Variants in CADM2 observed in about 807,000 individuals in gnomAD.
CADM2 encodes immunoglobulin superfamily member 4D.
CADM2 carries 12 observed loss-of-function variants against 49.8 expected under a neutral mutation model. That is an observed-to-expected ratio of 0.24 (90% CI 0.15 to 0.39). The LOEUF (loss-of-function observed/expected upper bound fraction) is 0.39, where lower values mean the gene tolerates loss of function less well. CADM2 is among the 10% of genes least tolerant of loss of function. The pLI is 1.00. For synonymous variants in CADM2, 214 were observed against 175.4 expected (o/e 1.22, Z -1.74); for missense variants, 378 against 492.3 (o/e 0.77, Z 2.20).
chr3:85,846,075 A>G (rs1450400569), intron 3 of CADM2, among the ~76,000 whole-genome samples: 1 of 152,206 alleles, frequency 6.6e-6, no homozygotes, highest in Non-Finnish European at 1.5e-5. Flanking sequence ...GGAGAGACTC[A>G]GAGAAGTTCT....
At chr3:85,441,995 A>G (rs2037223028) in intron 1 of CADM2, among the ~76,000 whole-genome samples, 2 of 152,080 alleles carry the variant, frequency 1.3e-5, no homozygotes, top group South Asian at 4.1e-4. Flanking sequence ...GTCTAATATC[A>G]TATTATTTAT....
In CADM2 at chr3:85,323,828, A is replaced by G. The variant is rs561966305; in HGVS notation, c.61+364160A>G. Among the ~76,000 whole-genome samples, 8 of 152,304 alleles carry G rather than the reference A, an allele frequency of 5.3e-5. No homozygotes were observed. The South Asian group carries it at 1.7e-3, about 32-fold the overall frequency. On this transcript the variant is annotated intron_variant, in intron 1 of 9. Coordinates refer to ENST00000383699, the MANE Select transcript of CADM2 (RefSeq NM_001167675.2). The stretch of plus-strand genomic sequence containing the variant: ...ATCCTCTATACTTTGGTATCTAGAA[A>G]AGTCACAGTGATCTTTCTGAAGTAC...
intron 7 of CADM2, among the ~76,000 whole-genome samples, chr3:85,943,019 T>C (rs971563363): frequency 1.8e-4 from 27 of 152,236 alleles, no homozygotes; most frequent in African/African-American, 6.0e-4. Context: ...TTTTTAATGA[T>C]TCCCATTCTA....
chr3:85,338,742 A>G (rs903854244), intron 1 of CADM2, among the ~76,000 whole-genome samples: 1 of 151,542 alleles, frequency 6.6e-6, no homozygotes, highest in Non-Finnish European at 1.5e-5. Context: ...TCACCGAACA[A>G]CAGGTAACTG....
At chr3:85,432,529 T>C (rs2036729501) in intron 1 of CADM2, among the ~76,000 whole-genome samples, 1 of 152,108 alleles carries the variant, frequency 6.6e-6, no homozygotes, top group Non-Finnish European at 1.5e-5. Context: ...AAGGCTATGA[T>C]AATCATAACT....
intron 1 of CADM2, among the ~76,000 whole-genome samples, chr3:85,657,757 C>CAGATATATATAT (rs1225304438): frequency 2.6e-4 from 25 of 97,282 alleles, no homozygotes; most frequent in African/African-American, 4.1e-4. Context: ...TATATATATA[C>CAGATATATATAT]ACAGATATAT....
chr3:85,189,722 AG>A (rs2041159420), intron 1 of CADM2, among the ~76,000 whole-genome samples: 2 of 152,118 alleles, frequency 1.3e-5, no homozygotes, highest in South Asian at 2.1e-4. Flanking sequence ...GGCATTCTTT[AG>A]GGGGGACCTC....
intron 1 of CADM2, among the ~76,000 whole-genome samples, chr3:85,277,336 C>T (rs954840923): frequency 2.0e-5 from 3 of 151,272 alleles, no homozygotes; most frequent in Admixed American, 1.3e-4. Flanking sequence ...GGCTATCAAT[C>T]TTCCTCTCCC....
chr3:85,002,001 T>C (rs73139653), intron 1 of CADM2, among the ~76,000 whole-genome samples: 7,196 of 152,174 alleles, frequency 0.047, 218 homozygotes, highest in Admixed American at 0.089. Flanking sequence ...GTGTCTTCTG[T>C]GATTAACAGG....
intron 1 of CADM2, among the ~76,000 whole-genome samples, chr3:85,627,833 A>T (rs567813641): frequency 6.6e-6 from 1 of 152,196 alleles, no homozygotes; most frequent in Non-Finnish European, 1.5e-5. Flanking sequence ...TTTATTGAAG[A>T]TACAAGGTAG....
intron 1 of CADM2, among the ~76,000 whole-genome samples, chr3:85,031,680 A>G (rs2034989907): frequency 6.7e-6 from 1 of 150,116 alleles, no homozygotes; most frequent in African/African-American, 2.5e-5. Context: ...ACGCCCGGCT[A>G]ATTTTTTGTG....
At chr3:85,834,829 T>C (rs955724521) in intron 3 of CADM2, among the ~76,000 whole-genome samples, 4 of 151,624 alleles carry the variant, frequency 2.6e-5, no homozygotes, top group Non-Finnish European at 5.9e-5. Context: ...GGGGTTGAGT[T>C]GTCACAGGTG....
intron 6 of CADM2, among the ~76,000 whole-genome samples, chr3:85,928,225 C>T (rs1447179759): frequency 6.8e-6 from 1 of 146,512 alleles, no homozygotes; most frequent in Admixed American, 6.9e-5. Flanking sequence ...ATGGCACGAT[C>T]TCGGCTCACT....
At chr3:85,590,242 C>T (rs1559929574) in intron 1 of CADM2, among the ~76,000 whole-genome samples, 1 of 151,896 alleles carries the variant, frequency 6.6e-6, no homozygotes, top group Non-Finnish European at 1.5e-5. Context: ...AAAACTTATA[C>T]AGAAGTGGCC....
chr3:85,526,897 G>A (rs772014048), intron 1 of CADM2, among the ~76,000 whole-genome samples: 2 of 152,148 alleles, frequency 1.3e-5, no homozygotes, highest in Non-Finnish European at 2.9e-5. Context: ...TTTACAAAAT[G>A]AGTAAGAATT....
chr3:85,106,088 G>T (rs1272944459), intron 1 of CADM2, among the ~76,000 whole-genome samples: 2 of 151,810 alleles, frequency 1.3e-5, no homozygotes, highest in African/African-American at 4.8e-5. Context: ...AAAACTTAAA[G>T]TACAATAAAA....
In CADM2 at chr3:85,100,893, CT is replaced by C. The variant is rs1400187058; in HGVS notation, c.61+141229del. Among the ~76,000 whole-genome samples the C allele has an allele frequency of 4.6e-5, 7 of 152,250 alleles. No homozygotes were observed. The East Asian group carries it at 1.4e-3, about 29-fold the overall frequency. ...AAACATCACATAAGCTTATGATAGT[CT>C]TTTGTCATGTGCAATTCTTCTAACT... On this transcript the variant is annotated intron_variant, in intron 1 of 9. Coordinates refer to ENST00000383699, the MANE Select transcript of CADM2 (RefSeq NM_001167675.2).
chr3:85,022,020 T>A (rs936443444), intron 1 of CADM2, among the ~76,000 whole-genome samples: 3 of 152,134 alleles, frequency 2.0e-5, no homozygotes, highest in African/African-American at 7.2e-5. Flanking sequence ...TTCTAATACA[T>A]CCTGTGTTTC....
chr3:85,138,205 A>G (rs1447178708), intron 1 of CADM2, among the ~76,000 whole-genome samples: 1 of 152,164 alleles, frequency 6.6e-6, no homozygotes, highest in African/African-American at 2.4e-5. Flanking sequence ...AGAAATCTGC[A>G]ACAATACACT....
Sources: gnomAD v4.1 joint callset for allele counts (sites outside exome capture counted in the v4.1 genomes callset) on GRCh38, gnomAD v4.1.1 for gene constraint, MANE v1.5 for transcripts, NCBI Gene and HGNC (gene_info 2026-07-23, HGNC 2026-07-21) for gene names.